CFAP47: variants seen among roughly 807,000 people sequenced by gnomAD.
The protein encoded by CFAP47 is cilia- and flagella-associated protein 47.
A neutral mutation model predicts 148.1 loss-of-function variants in CFAP47; 29 were observed. The observed-to-expected ratio is 0.20, with a 90% confidence interval of 0.15 to 0.27. The LOEUF (loss-of-function observed/expected upper bound fraction) is 0.27. Among genes scored for constraint, CFAP47 ranks in the 10% least tolerant of loss-of-function variants. The pLI, the probability that CFAP47 is intolerant of heterozygous loss-of-function variation, is 1.00. For synonymous variants in CFAP47, 664 were observed against 577.3 expected (o/e 1.15, Z -2.15); for missense variants, 1,872 against 1,697.5 (o/e 1.10, Z -1.81).
At chrX:36,353,739 A>C in intron 60 of CFAP47, 58 bp downstream of exon 60, 1 of 914,819 alleles carries the variant, frequency 1.1e-6, no homozygotes, top group Non-Finnish European at 1.5e-6. Context: ...AGTTTCCATG[A>C]ATTGCAGGTT....
Position 36,219,622 on chromosome X carries a change from A to G in CFAP47, c.6818-9006A>G, listed in dbSNP as rs782450956. On this transcript the variant is annotated intron_variant, in intron 45 of 63. Transcript: ENST00000378653. ...ACTGCTTAGGGCAAACCTGCCTCTC[A>G]TTCTATTCAAAGTAACCCCTCTGCT... Among the ~76,000 whole-genome samples, 12 of 111,908 alleles carry G rather than the reference A, an allele frequency of 1.1e-4. No individual in the cohort carries two copies. The South Asian group carries it at 4.5e-3, about 42-fold the overall frequency.
intron 21 of CFAP47, among the ~76,000 whole-genome samples, chrX:36,007,235 C>CCCAAGG (rs1333168453): frequency 2.7e-5 from 3 of 112,013 alleles, no homozygotes; most frequent in Non-Finnish European, 3.8e-5. Context: ...TATGCAGAAC[C>CCCAAGG]TTGGGTAAAC....
intron 30 of CFAP47, among the ~76,000 whole-genome samples, chrX:36,096,299 G>A (rs914098752): frequency 1.8e-5 from 2 of 111,328 alleles, no homozygotes; most frequent in African/African-American, 6.5e-5. Flanking sequence ...TGATCCATGT[G>A]CTGAGGAAAA....
chrX:36,264,784 A>G (rs782328104), intron 49 of CFAP47, among the ~76,000 whole-genome samples: 3 of 111,976 alleles, frequency 2.7e-5, no homozygotes, highest in South Asian at 3.7e-4. Context: ...TTAAAATGCT[A>G]TTGTTGCAGG....
intron 56 of CFAP47, among the ~76,000 whole-genome samples, chrX:36,318,256 C>T (rs1941452680): frequency 8.9e-6 from 1 of 112,449 alleles, no homozygotes; most frequent in South Asian, 3.6e-4. Context: ...ACTATCAACT[C>T]ATATTTTTAA....
intron 39 of CFAP47, among the ~76,000 whole-genome samples, chrX:36,168,018 G>T (rs772946571): frequency 0.073 from 8,032 of 110,422 alleles, 337 homozygotes; most frequent in Non-Finnish European, 0.11. Context: ...TATTAAGATA[G>T]CCACTCCAGC....
intron 33 of CFAP47, among the ~76,000 whole-genome samples, chrX:36,136,910 T>G (rs1939055330): frequency 9.0e-6 from 1 of 111,673 alleles, no homozygotes; most frequent in African/African-American, 3.2e-5. Flanking sequence ...TATGCATTAG[T>G]TGAAAATCCT....
At chrX:36,082,767 T>C (rs1024015997) in intron 29 of CFAP47, among the ~76,000 whole-genome samples, 2 of 111,395 alleles carry the variant, frequency 1.8e-5, no homozygotes, top group African/African-American at 6.5e-5. Flanking sequence ...TAGAATCTTA[T>C]AGAAAATCAA....
At chrX:36,227,681 A>G (rs1405871207) in intron 45 of CFAP47, among the ~76,000 whole-genome samples, 1 of 112,201 alleles carries the variant, frequency 8.9e-6, no homozygotes, top group Non-Finnish European at 1.9e-5. Flanking sequence ...TGGCCAATTG[A>G]TTGATATGCT....
chrX:36,314,742 A>G (rs1941420612), intron 56 of CFAP47, among the ~76,000 whole-genome samples: 1 of 111,845 alleles, frequency 8.9e-6, no homozygotes, highest in Non-Finnish European at 1.9e-5. Context: ...TCTGAGAGAG[A>G]GAGAGAGGCA....
chrX:36,097,548 C>T (rs1464034544), intron 30 of CFAP47, among the ~76,000 whole-genome samples: 1 of 110,163 alleles, frequency 9.1e-6, no homozygotes, highest in Non-Finnish European at 1.9e-5. Flanking sequence ...TTTTTTTCTT[C>T]AGCACTTTAA....
intron 57 of CFAP47, among the ~76,000 whole-genome samples, chrX:36,343,507 T>C (rs1185746895): frequency 8.9e-6 from 1 of 111,932 alleles, no homozygotes; most frequent in Non-Finnish European, 1.9e-5. Flanking sequence ...AGTTCAACCA[T>C]TGTGGAAGAA....
intron 39 of CFAP47, among the ~76,000 whole-genome samples, chrX:36,171,747 G>C (rs1431252355): frequency 9.0e-6 from 1 of 111,681 alleles, no homozygotes; most frequent in Non-Finnish European, 1.9e-5. Flanking sequence ...CTCCAGCTTT[G>C]TTCTTTTGGC....
At position 36,320,858 on chromosome X, in the gene CFAP47, T is replaced by C. The variant is rs933717111; in HGVS notation, c.8443+1551T>C. Reference sequence around the variant, plus strand: ...TTACTACATAGTTTTTGGAAAGCACTCTTTGTAATGTATAAAAAGAAACTT... The same window carrying C: ...TTACTACATAGTTTTTGGAAAGCACCCTTTGTAATGTATAAAAAGAAACTT... On this transcript the variant is annotated intron_variant, in intron 57 of 63. Coordinates refer to ENST00000378653, the MANE Select transcript of CFAP47 (RefSeq NM_001304548.2). Among the ~76,000 whole-genome samples, 4 of 106,076 alleles carry C rather than the reference T, an allele frequency of 3.8e-5. 1 individual carries two copies. The highest frequency in any genetic ancestry group is 7.7e-5 in the Non-Finnish European group (4 of 51,844). The allele number at this position is 106,076 out of a possible 115,157, so 92.1% of individuals were successfully genotyped here.
At chrX:35,936,596 A>G (rs1219748603) in intron 2 of CFAP47, among the ~76,000 whole-genome samples, 5 of 110,222 alleles carry the variant, frequency 4.5e-5, no homozygotes, top group Non-Finnish European at 9.5e-5. Context: ...ATTGAATGCT[A>G]AATTTTTTTT....
chrX:35,936,932 C>T (rs1318398082), intron 2 of CFAP47, among the ~76,000 whole-genome samples: 1 of 107,809 alleles, frequency 9.3e-6, no homozygotes, highest in South Asian at 4.1e-4. Context: ...GTCTTCTGAG[C>T]AGATAGAAAA....
intron 22 of CFAP47, among the ~76,000 whole-genome samples, chrX:36,020,600 CTCT>C (rs763727767): frequency 8.9e-6 from 1 of 111,780 alleles, no homozygotes; most frequent in Non-Finnish European, 1.9e-5. Context: ...CCTTCTTTGT[CTCT>C]TCTTATAGTT....
chrX:36,179,568 A>G (rs1002719689), intron 40 of CFAP47, 146 bp downstream of exon 40: 4 of 262,707 alleles, frequency 1.5e-5, no homozygotes. Context: ...ATCCAAATAT[A>G]TATTTATATG....
chrX:36,083,512 AACTTG>A (rs1938023834), intron 29 of CFAP47, among the ~76,000 whole-genome samples: 1 of 111,766 alleles, frequency 8.9e-6, no homozygotes, highest in Non-Finnish European at 1.9e-5. Context: ...AAGTCATAGA[AACTTG>A]ACTTTAGATT....
Sources: allele counts gnomAD v4.1 joint callset (sites outside exome capture counted in the v4.1 genomes callset), GRCh38; gene constraint gnomAD v4.1.1; transcripts MANE v1.5; gene names NCBI Gene and HGNC (gene_info 2026-07-23, HGNC 2026-07-21).